GOLGA4: variants seen among roughly 807,000 people sequenced by gnomAD.
GOLGA4 encodes the protein golgin subfamily A member 4.
In GOLGA4, 169 loss-of-function variants were observed where a neutral mutation model predicts 265.9. That is an observed-to-expected ratio of 0.64 (90% CI 0.56 to 0.72). The LOEUF is 0.72. Among genes scored for constraint, GOLGA4 ranks in the 30% least tolerant of loss-of-function variants. GOLGA4 has a pLI of 0.00. For synonymous variants in GOLGA4, 923 were observed against 855.8 expected (o/e 1.08, Z -1.37); for missense variants, 2,482 against 2,483.4 (o/e 1.00, Z 0.01).
intron 4 of GOLGA4, among the ~76,000 whole-genome samples, chr3:37,286,374 C>G (rs1055327890): frequency 6.6e-5 from 10 of 151,024 alleles, no homozygotes; most frequent in African/African-American, 2.4e-4. Flanking sequence ...AGGATGGTCT[C>G]GATCTCCTGA....
intron 16 of GOLGA4, among the ~76,000 whole-genome samples, chr3:37,332,375 C>T (rs1042041664): frequency 2.6e-5 from 4 of 152,270 alleles, no homozygotes; most frequent in Non-Finnish European, 4.4e-5. Flanking sequence ...CGCCCAGTGG[C>T]TTATGCCTGT....
In GOLGA4 at chr3:37,366,089, C is replaced by T. The variant is rs966133985; in HGVS notation, c.*43C>T. 7 of 1,529,228 alleles carry T rather than the reference C, an allele frequency of 4.6e-6. No individual in the cohort carries two copies. The highest frequency in any genetic ancestry group is 4.1e-5 in the African/African-American group (3 of 72,822). 94.7% of individuals were successfully genotyped at this position (1,529,228 alleles called of 1,614,324 possible). On this transcript the variant is annotated 3_prime_UTR_variant, in exon 24 of 24. Transcript: ENST00000361924. ...CCTTTTTCTTTTCCAGTCATGGCTC[C>T]GATCTTCATCTTGAAGAAGAGTGAC...
At chr3:37,347,127 T>A (rs2097059002) in intron 20 of GOLGA4, 66 bp from the exon 21 acceptor site, 2 of 911,316 alleles carry the variant, frequency 2.2e-6, no homozygotes, top group Non-Finnish European at 3.5e-6. Flanking sequence ...TAAATCTATT[T>A]TTATAAGTAA....
chr3:37,348,719 TG>T (rs1300017050), intron 21 of GOLGA4, among the ~76,000 whole-genome samples: 1 of 152,194 alleles, frequency 6.6e-6, no homozygotes, highest in Non-Finnish European at 1.5e-5. Flanking sequence ...GATGCAAGGT[TG>T]TTACTAAATA....
At chr3:37,332,850 CT>C (rs950789003) in intron 16 of GOLGA4, among the ~76,000 whole-genome samples, 18 of 151,642 alleles carry the variant, frequency 1.2e-4, no homozygotes, top group Non-Finnish European at 1.3e-4. Context: ...TTCACTTGTT[CT>C]TTTTTTTGAA....
At position 37,361,317 on chromosome 3, in the gene GOLGA4, A is replaced by AC; in HGVS notation, c.*33+13dup. 6.3e-7 allele frequency: 1 copy of AC among 1,594,608 alleles called. No individual in the cohort carries two copies. The highest frequency in any genetic ancestry group is 8.6e-7 in the Non-Finnish European group (1 of 1,162,502). On this transcript the variant is annotated intron_variant, in intron 23 of 23. Coordinates refer to ENST00000361924, the MANE Select transcript of GOLGA4 (RefSeq NM_002078.5). The stretch of plus-strand genomic sequence containing the variant: ...TTAGTTAACATGTGGTGAGTGAAGA[A>AC]CAATGTCTTGTGTCTTTTGTGCAAA...
chr3:37,266,691 G>A (rs1173480720), intron 2 of GOLGA4, among the ~76,000 whole-genome samples: 1 of 152,078 alleles, frequency 6.6e-6, no homozygotes. Context: ...TGGGTGAGAT[G>A]GTGGTGGTGG....
intron 23 of GOLGA4, among the ~76,000 whole-genome samples, chr3:37,363,053 A>G (rs1696459019): frequency 6.6e-6 from 1 of 152,048 alleles, no homozygotes; most frequent in Non-Finnish European, 1.5e-5. Context: ...AAGTGCTGGG[A>G]TTACAGGCGT....
chr3:37,291,907 T>G (rs2096865643), intron 5 of GOLGA4, among the ~76,000 whole-genome samples: 1 of 152,028 alleles, frequency 6.6e-6, no homozygotes, highest in African/African-American at 2.4e-5. Flanking sequence ...TCCACCTACA[T>G]GTATTAGTTT....
rs544863652 is a variant in GOLGA4, at chr3:37,312,241, C to T, written c.1235-3179C>T. 1.2e-4 allele frequency among the ~76,000 whole-genome samples: 19 copies of T among 152,260 alleles called. No individual in the cohort carries two copies. The East Asian group carries it at 2.5e-3, about 20-fold the overall frequency. The stretch of plus-strand genomic sequence containing the variant: ...TCATAACCTTTTTTCATTCCTCCAG[C>T]GTTTAAACCTTCAACACAAACTAAT... On this transcript the variant is annotated intron_variant, in intron 10 of 23. Transcript: ENST00000361924.
intron 8 of GOLGA4, 70 bp from the exon 9 acceptor site, chr3:37,299,218 A>G: frequency 2.8e-6 from 3 of 1,071,314 alleles, no homozygotes; most frequent in Non-Finnish European, 4.3e-6. Flanking sequence ...TAAATTAGAT[A>G]AATGTTTAGA....
At chr3:37,255,993 G>A (rs145382302) in intron 2 of GOLGA4, among the ~76,000 whole-genome samples, 1 of 152,292 alleles carries the variant, frequency 6.6e-6, no homozygotes, top group Admixed American at 6.5e-5. Flanking sequence ...GTGTGCACCT[G>A]TAGTCCCAGC....
chr3:37,243,676 C>G lies in GOLGA4; in HGVS notation c.72+54C>G, dbSNP rs949689527. On this transcript the variant is annotated intron_variant, in intron 1 of 23. Coordinates refer to ENST00000361924, the MANE Select transcript of GOLGA4 (RefSeq NM_002078.5). ...GTTCCGAATACCTCTTGAACCGGCC[C>G]GCGGACGAAAGAGGCGGGGGGAGTG... is the stretch of plus-strand genomic sequence containing the variant. 3.7e-5 allele frequency: 54 copies of G among 1,448,246 alleles called. No individual in the cohort carries two copies. The African/African-American group carries it at 6.7e-4, about 18-fold the overall frequency. The allele number at this position is 1,448,246 out of a possible 1,614,324, so 89.7% of individuals were successfully genotyped here.
In GOLGA4 at chr3:37,328,992, T is replaced by G; in HGVS notation, c.6091T>G (p.Leu2031Val). 1 of 1,608,304 alleles carries G rather than the reference T, an allele frequency of 6.2e-7. No homozygotes were observed. Among genetic ancestry groups the G allele is most frequent in the Non-Finnish European group, 8.5e-7 (1 of 1,177,836 alleles). Residue 2031 changes from leucine to valine, a missense_variant, in exon 16 of 24, where the codon TTA becomes GTA. Around this residue, in one of 3 missense-constraint regions of GOLGA4, gnomAD observed 942 missense variants for 983.1 expected, o/e 0.96. Transcript: ENST00000361924. The stretch of plus-strand genomic sequence containing the variant: ...GGCCCAGGAGGTGGAGGCTGAACTT[T>G]TAGAAAGCCATCAAGAAGAGACAAA... ...NKAQEVEAEL[L>V]ESHQEETNQL...
intron 20 of GOLGA4, 86 bp downstream of exon 20, chr3:37,340,285 T>C (rs1183252166): frequency 3.6e-6 from 2 of 554,186 alleles, no homozygotes; most frequent in African/African-American, 4.0e-5. Context: ...TTTGCTAATT[T>C]ATATTTTTTT....
intron 2 of GOLGA4, among the ~76,000 whole-genome samples, chr3:37,280,207 C>A (rs900958430): frequency 6.6e-6 from 1 of 152,094 alleles, no homozygotes; most frequent in Non-Finnish European, 1.5e-5. Flanking sequence ...ATATATATTT[C>A]TTTCACTGTG....
chr3:37,281,054 C>T lies in GOLGA4; in HGVS notation c.163-904C>T, dbSNP rs191136937. On this transcript the variant is annotated intron_variant, in intron 2 of 23. Coordinates refer to ENST00000361924, the MANE Select transcript of GOLGA4 (RefSeq NM_002078.5). ...TGGCACCTTTGAGATCTTAGTGACC[C>T]GGTTGTTAACTAATGAGAATGAGCT... is the stretch of plus-strand genomic sequence containing the variant. Among the ~76,000 whole-genome samples the T allele has an allele frequency of 1.2e-4, 19 of 152,264 alleles. No homozygotes were observed. The East Asian group carries it at 2.7e-3, about 22-fold the overall frequency.
chr3:37,324,921 C>G lies in GOLGA4; in HGVS notation c.3035C>G (p.Ala1012Gly), dbSNP rs2096965523. ...CTGGAAATGGCACAGGCTAACTCAG[C>G]TGGAATCAGTGATGCAGTGTCAAGA... ...KMLEMAQANS[A>G]GISDAVSRLE... Residue 1012 changes from alanine (A) to glycine (G), a missense_variant, in exon 14 of 24, where the codon GCT becomes GGT. Transcript: ENST00000361924. 4 of 1,611,782 alleles carry G rather than the reference C, an allele frequency of 2.5e-6. No homozygotes were observed. The South Asian group carries it at 4.4e-5, about 18-fold the overall frequency.
At chr3:37,263,173 T>C (rs2150677265) in intron 2 of GOLGA4, among the ~76,000 whole-genome samples, 1 of 152,358 alleles carries the variant, frequency 6.6e-6, no homozygotes, top group East Asian at 1.9e-4. Flanking sequence ...TACAGCCACC[T>C]ACGATGTTCA....
Sources: allele counts gnomAD v4.1 joint callset (sites outside exome capture counted in the v4.1 genomes callset), GRCh38; gene constraint gnomAD v4.1.1; regional missense constraint gnomAD v4.1.1; transcripts MANE v1.5; gene names NCBI Gene and HGNC (gene_info 2026-07-23, HGNC 2026-07-21).